Variants in TBC1D2 observed in about 807,000 individuals in gnomAD.
TBC1D2 encodes TBC1 domain family member 2, also known as TBC1 domain family member 2A.
Under a neutral mutation model 91.1 loss-of-function variants are expected in TBC1D2, and 58 were observed. That is an observed-to-expected ratio of 0.64 (90% CI 0.52 to 0.79). The LOEUF is 0.79. TBC1D2 is among the 30% of genes least tolerant of loss of function. TBC1D2 has a pLI of 0.00. For synonymous variants in TBC1D2, 482 were observed against 511.5 expected (o/e 0.94, Z 0.78); for missense variants, 1,080 against 1,208.3 (o/e 0.89, Z 1.57).
chr9:98,252,341 CTG>C (rs1829890261), intron 1 of TBC1D2, among the ~76,000 whole-genome samples: 1 of 152,200 alleles, frequency 6.6e-6, no homozygotes, highest in Non-Finnish European at 1.5e-5. Flanking sequence ...ATCACTATCT[CTG>C]TGTGACATCT....
intron 9 of TBC1D2, among the ~76,000 whole-genome samples, chr9:98,208,008 T>C (rs563769147): frequency 2.0e-5 from 3 of 152,170 alleles, no homozygotes; most frequent in Non-Finnish European, 2.9e-5. Flanking sequence ...GTCTTCTGCA[T>C]GGGTTTCACT....
At chr9:98,236,469 C>T (rs993508851) in intron 3 of TBC1D2, among the ~76,000 whole-genome samples, 4 of 152,046 alleles carry the variant, frequency 2.6e-5, no homozygotes, top group Admixed American at 1.3e-4. Context: ...GTGATCCACC[C>T]GCCTTGGCTT....
In TBC1D2 at chr9:98,209,992, T is replaced by TC. The variant is rs202152892; in HGVS notation, c.1673+663_1673+664insG. On this transcript the variant is annotated intron_variant, in intron 8 of 12. Transcript: ENST00000465784. ...TACAGGCGTGCACCACCACTCTTCT[T>TC]TTTTTTTTTTTTTTGTAGAGACAGG... 4.5e-3 allele frequency among the ~76,000 whole-genome samples: 457 copies of TC among 101,820 alleles called. 5 individuals carry two copies. Among genetic ancestry groups the TC allele is most frequent in the Non-Finnish European group, 7.1e-3 (289 of 40,940 alleles). The allele number at this position is 101,820 out of a possible 152,430, so 66.8% of individuals were successfully genotyped here.
rs1350040846 is a variant in TBC1D2 at position 98,199,577 on chromosome 9, TTCA to T, written c.2588_2590del (p.Met863del). 6.2e-7 allele frequency: 1 copy of T among 1,613,980 alleles called. No individual in the cohort carries two copies. Among genetic ancestry groups the T allele is most frequent in the Admixed American group, 1.7e-5 (1 of 60,016 alleles). On this transcript the variant is annotated inframe_deletion, in exon 13 of 13. Transcript: ENST00000465784. Reference sequence around the variant, plus strand: ...GGGGTTCATGTCATTGAAGGCGATGTTCATCAGCTTCCTGGGAGGAGGGCACAA... The same window carrying T: ...GGGGTTCATGTCATTGAAGGCGATGTTCAGCTTCCTGGGAGGAGGGCACAA...
downstream of TBC1D2, chr9:98,199,005 G>C (rs1828408117): frequency 6.9e-6 from 2 of 291,292 alleles, no homozygotes; most frequent in South Asian, 9.0e-5. Context: ...TGGTAACTGA[G>C]AACTGTTTAA....
rs773818172 is a variant in TBC1D2 at position 98,209,126 on chromosome 9, G to A, written c.1692C>T (p.Gly564=). Residue 564 remains glycine (G), a synonymous_variant, in exon 9 of 13, where the codon GGC becomes GGT. Transcript: ENST00000465784. ...CCTCATAGTCGGGCACCGTCAGGAA[G>A]CCGTACTCATCATACTTACTGCCAG... ...LSPISKYDEY[G]FLTVPDYEVE... 1 of 1,613,198 alleles carries A rather than the reference G, an allele frequency of 6.2e-7. No individual in the cohort carries two copies. Among genetic ancestry groups the A allele is most frequent in the East Asian group, 2.2e-5 (1 of 44,840 alleles).
intron 8 of TBC1D2, 109 bp from the exon 9 acceptor site, chr9:98,209,253 G>A: frequency 1.9e-6 from 2 of 1,042,534 alleles, no homozygotes; most frequent in Non-Finnish European, 1.5e-6. Flanking sequence ...CCTTCACTGA[G>A]GGTTAACCAC....
intron 3 of TBC1D2, among the ~76,000 whole-genome samples, chr9:98,239,203 T>A (rs1005925013): frequency 6.6e-6 from 1 of 152,020 alleles, no homozygotes; most frequent in African/African-American, 2.4e-5. Context: ...GGACTACAGG[T>A]GTGTGCCACC....
intron 12 of TBC1D2, 79 bp from the exon 13 acceptor site, chr9:98,199,667 C>A (rs1421193467): frequency 1.8e-5 from 27 of 1,473,308 alleles, no homozygotes; most frequent in Non-Finnish European, 2.4e-5. Context: ...GACAGACATC[C>A]CCGCATTCCT....
intron 1 of TBC1D2, among the ~76,000 whole-genome samples, chr9:98,254,876 T>C (rs1829940378): frequency 6.6e-6 from 1 of 152,144 alleles, no homozygotes; most frequent in Non-Finnish European, 1.5e-5. Flanking sequence ...CACTGAGAGG[T>C]AGAAAGACTA....
chr9:98,210,952 C>G (rs931818577), intron 7 of TBC1D2, 109 bp from the exon 8 acceptor site: 20 of 1,019,232 alleles, frequency 2.0e-5, no homozygotes, highest in Non-Finnish European at 2.8e-5. Context: ...TCTCATCTGC[C>G]CCACTCCCAA....
In TBC1D2 at chr9:98,208,721, C is replaced by T. The variant is rs1186038958; in HGVS notation, c.2097G>A (p.Leu699=). 6.5e-7 allele frequency: 1 copy of T among 1,549,594 alleles called. No individual in the cohort carries two copies. The highest frequency in any genetic ancestry group is 8.7e-7 in the Non-Finnish European group (1 of 1,144,206). Residue 699 remains leucine (L), a synonymous_variant, in exon 9 of 13, where the codon CTG becomes CTA. Coordinates refer to ENST00000465784, the MANE Select transcript of TBC1D2 (RefSeq NM_001267571.2). ...TGGGGTTCTGCCAGGAGAAGGCCAG[C>T]AGCACCCGGCGGAGCTTGTCGGGGA... is the stretch of plus-strand genomic sequence containing the variant. ...SSFPDKLRRV[L]LAFSWQNPTI... is the part of the protein sequence containing the mutation.
intron 3 of TBC1D2, among the ~76,000 whole-genome samples, chr9:98,241,784 C>G (rs1384012270): frequency 2.0e-5 from 3 of 152,138 alleles, no homozygotes; most frequent in Non-Finnish European, 2.9e-5. Context: ...TGATCTCCTG[C>G]AGGGTGCCCT....
In TBC1D2 at chr9:98,220,822, G is replaced by C. The variant is rs556055438; in HGVS notation, c.1374+11C>G. 8.7e-6 allele frequency: 14 copies of C among 1,612,492 alleles called. No homozygotes were observed. In the African/African-American group the frequency reaches 1.9e-4, roughly 21 times the overall value. On this transcript the variant is annotated intron_variant, in intron 6 of 12. Coordinates refer to ENST00000465784, the MANE Select transcript of TBC1D2 (RefSeq NM_001267571.2). ...CGGCAGGACTGGCAGGCCCTGAGGG[G>C]AGGCCCCTACCTTCAGGTGCTCTAT...
chr9:98,219,864 C>T (rs891464933), intron 6 of TBC1D2, among the ~76,000 whole-genome samples: 10 of 152,136 alleles, frequency 6.6e-5, no homozygotes, highest in Admixed American at 5.2e-4. Flanking sequence ...TGGGGCAGGA[C>T]GAACTCTGGT....
rs772456110 is a variant in TBC1D2, at chr9:98,244,156, T to C, written c.512-27A>G. The C allele has an allele frequency of 3.7e-6, 6 of 1,610,880 alleles. No individual in the cohort carries two copies. The Admixed American group carries it at 6.7e-5, about 18-fold the overall frequency. On this transcript the variant is annotated intron_variant, in intron 2 of 12. Coordinates refer to ENST00000465784, the MANE Select transcript of TBC1D2 (RefSeq NM_001267571.2). ...TGGGAACAAAGAAAAGGGAAATCCA[T>C]CAGCTGGGTCACTGCACTTGGAAAG... is the stretch of plus-strand genomic sequence containing the variant.
At chr9:98,241,844 CCTCT>C (rs1829644525) in intron 3 of TBC1D2, among the ~76,000 whole-genome samples, 2 of 152,266 alleles carry the variant, frequency 1.3e-5, no homozygotes, top group South Asian at 4.1e-4. Flanking sequence ...ACCCATCAAG[CCTCT>C]CTCTCAAGCT....
intron 9 of TBC1D2, 143 bp downstream of exon 9, chr9:98,208,525 G>GT (rs950716504): frequency 2.7e-6 from 2 of 742,184 alleles, no homozygotes; most frequent in African/African-American, 3.5e-5. Flanking sequence ...AGCTCAGGTG[G>GT]TAATGCTCTC....
Position 98,208,936 on chromosome 9 carries a change from G to C in TBC1D2, c.1882C>G (p.Arg628Gly). 6.2e-7 allele frequency: 1 copy of C among 1,614,124 alleles called. No homozygotes were observed. The highest frequency in any genetic ancestry group is 8.5e-7 in the Non-Finnish European group (1 of 1,180,014). ...LKQLLRAGVP[R>G]EHRPRVWRWL... is the part of the protein sequence containing the mutation. ...CTCCAGACACGAGGCCGGTGTTCAC[G>C]GGGTACTCCTGCCCGCAGTAGCTGC... The change falls in exon 9 of 13, where the codon CGT (arginine) becomes GGT (glycine). Residue 628 changes from arginine to glycine, a missense_variant. Physicochemically the swap from Arg to Gly is moderately radical, Grantham distance 125 (BLOSUM62 -2). Transcript: ENST00000465784.
Sources: allele counts gnomAD v4.1 joint callset (sites outside exome capture counted in the v4.1 genomes callset), GRCh38; gene constraint gnomAD v4.1.1; transcripts MANE v1.5; gene names NCBI Gene and HGNC (gene_info 2026-07-23, HGNC 2026-07-21).